Variants in UBTD1 observed in about 807,000 individuals in gnomAD.
UBTD1 encodes the protein ubiquitin domain containing 1, also known as ubiquitin domain-containing protein 1.
In UBTD1, 19 loss-of-function variants were observed where a neutral mutation model predicts 21.7. The ratio of observed to expected loss-of-function variants is 0.87; its 90% CI spans 0.61 to 1.28. The LOEUF (loss-of-function observed/expected upper bound fraction) is 1.28, where lower values mean the gene tolerates loss of function less well. UBTD1 is among the 50% of genes most tolerant of loss of function. The probability of loss-of-function intolerance (pLI) is 0.00; values close to 1 mark genes in which losing one functional copy is unlikely to be tolerated. For synonymous variants in UBTD1, 116 were observed against 135.1 expected (o/e 0.86, Z 0.98); for missense variants, 282 against 315.1 (o/e 0.89, Z 0.80).
intron 1 of UBTD1, among the ~76,000 whole-genome samples, chr10:97,513,710 C>G (rs187157685): frequency 6.6e-6 from 1 of 152,118 alleles, no homozygotes; most frequent in Non-Finnish European, 1.5e-5. Flanking sequence ...TGGTATTTAT[C>G]TGCCTGTTTC....
intron 1 of UBTD1, among the ~76,000 whole-genome samples, chr10:97,500,645 C>G (rs192681538): frequency 1.6e-3 from 238 of 152,310 alleles, no homozygotes; most frequent in Non-Finnish European, 3.0e-3. Flanking sequence ...ACATTCCCCC[C>G]CTTCCTTTCT....
intron 1 of UBTD1, among the ~76,000 whole-genome samples, chr10:97,545,431 G>GGT (rs10609684): frequency 2.7e-5 from 4 of 148,744 alleles, no homozygotes; most frequent in African/African-American, 9.9e-5. Context: ...TGTGTGTGTG[G>GGT]GTGTGTGTGT....
chr10:97,567,211 G>A (rs60730732), intron 1 of UBTD1, among the ~76,000 whole-genome samples: 1 of 151,618 alleles, frequency 6.6e-6, no homozygotes, highest in African/African-American at 2.4e-5. Flanking sequence ...GCTGGAACTA[G>A]AGGAGCGTGC....
At chr10:97,552,996 A>T (rs1212570005) in intron 1 of UBTD1, among the ~76,000 whole-genome samples, 1 of 152,256 alleles carries the variant, frequency 6.6e-6, no homozygotes, top group Non-Finnish European at 1.5e-5. Flanking sequence ...ATTAGAACCA[A>T]ATAGGTGAGC....
intron 1 of UBTD1, among the ~76,000 whole-genome samples, chr10:97,558,039 C>T (rs1310341039): frequency 6.6e-6 from 1 of 152,090 alleles, no homozygotes; most frequent in East Asian, 1.9e-4. Flanking sequence ...TTCGGCCGTG[C>T]GTGGACCAGT....
chr10:97,519,555 T>A (rs1458186004), intron 1 of UBTD1, among the ~76,000 whole-genome samples: 1 of 152,178 alleles, frequency 6.6e-6, no homozygotes, highest in African/African-American at 2.4e-5. Context: ...GTGGTGATTG[T>A]CAACTGGGGA....
chr10:97,534,219 A>G (rs964627837), intron 1 of UBTD1, among the ~76,000 whole-genome samples: 1 of 151,408 alleles, frequency 6.6e-6, no homozygotes, highest in African/African-American at 2.4e-5. Context: ...AGCTCTCACC[A>G]CCTCCCATGT....
At chr10:97,540,310 A>G (rs988998656) in intron 1 of UBTD1, among the ~76,000 whole-genome samples, 6 of 152,358 alleles carry the variant, frequency 3.9e-5, no homozygotes, top group Admixed American at 2.6e-4. Flanking sequence ...GATTCATCTT[A>G]GAACTGCTTC....
chr10:97,513,232 A>G (rs1490285453), intron 1 of UBTD1, among the ~76,000 whole-genome samples: 2 of 152,220 alleles, frequency 1.3e-5, no homozygotes, highest in Non-Finnish European at 2.9e-5. Context: ...GTGTGTGCAC[A>G]TATTATACAT....
At chr10:97,504,626 C>T (rs2040391053) in intron 1 of UBTD1, among the ~76,000 whole-genome samples, 1 of 152,154 alleles carries the variant, frequency 6.6e-6, no homozygotes, top group Non-Finnish European at 1.5e-5. Flanking sequence ...TGGTTGTCTC[C>T]CCTTGCTCCA....
chr10:97,500,758 T>C (rs992855921), intron 1 of UBTD1, among the ~76,000 whole-genome samples: 4 of 152,168 alleles, frequency 2.6e-5, no homozygotes, highest in Non-Finnish European at 5.9e-5. Flanking sequence ...CTGTTTTTTC[T>C]CTCATTACAC....
chr10:97,530,701 T>C (rs902633702), intron 1 of UBTD1, among the ~76,000 whole-genome samples: 2 of 152,100 alleles, frequency 1.3e-5, no homozygotes, highest in African/African-American at 4.8e-5. Context: ...ATCGTGGACA[T>C]CATAATGGTA....
rs145997882 is a variant in UBTD1, at chr10:97,532,081, G to A, written c.70+32808G>A. Among the ~76,000 whole-genome samples the A allele has an allele frequency of 4.7e-3, 722 of 152,298 alleles. 2 individuals are homozygous for A. Among genetic ancestry groups the A allele is most frequent in the Middle Eastern group, 0.017 (5 of 294 alleles). Reference sequence around the variant, plus strand: ...GAGGTGGGCAGGGACAGCCAGGTGGGACACTGAGGGTTAGAAAGGTGAGAG... The same window carrying A: ...GAGGTGGGCAGGGACAGCCAGGTGGAACACTGAGGGTTAGAAAGGTGAGAG... On this transcript the variant is annotated intron_variant, in intron 1 of 2. Coordinates refer to ENST00000370664, the MANE Select transcript of UBTD1 (RefSeq NM_024954.5).
chr10:97,537,528 C>T (rs1427168333), intron 1 of UBTD1, among the ~76,000 whole-genome samples: 1 of 152,164 alleles, frequency 6.6e-6, no homozygotes, highest in Non-Finnish European at 1.5e-5. Context: ...AACTGAGGCG[C>T]AAAGCTTGTA....
intron 1 of UBTD1, among the ~76,000 whole-genome samples, chr10:97,506,322 G>A (rs2040399496): frequency 6.6e-6 from 1 of 152,212 alleles, no homozygotes; most frequent in South Asian, 2.1e-4. Flanking sequence ...AGTAGTGTGA[G>A]GCCACGGGGC....
intron 1 of UBTD1, among the ~76,000 whole-genome samples, chr10:97,564,709 G>C (rs151224493): frequency 0.017 from 2,518 of 152,196 alleles, 82 homozygotes; most frequent in African/African-American, 0.057. Flanking sequence ...GATTACAGGT[G>C]CCTGCTGCCA....
At chr10:97,515,927 C>T (rs2040442323) in intron 1 of UBTD1, among the ~76,000 whole-genome samples, 2 of 152,330 alleles carry the variant, frequency 1.3e-5, no homozygotes, top group Admixed American at 1.3e-4. Context: ...GGAACTTTGA[C>T]AGCCACAAAG....
At chr10:97,541,199 A>G (rs1317676215) in intron 1 of UBTD1, among the ~76,000 whole-genome samples, 6 of 152,268 alleles carry the variant, frequency 3.9e-5, no homozygotes, top group East Asian at 3.9e-4. Context: ...ATATCTTACC[A>G]GGCACGGTGG....
chr10:97,541,247 C>T (rs961418897), intron 1 of UBTD1, among the ~76,000 whole-genome samples: 5 of 152,146 alleles, frequency 3.3e-5, no homozygotes, highest in Admixed American at 6.5e-5. Context: ...GAGGCTGAGG[C>T]AGGAGGATTG....
Sources: allele counts gnomAD v4.1 joint callset (sites outside exome capture counted in the v4.1 genomes callset), GRCh38; gene constraint gnomAD v4.1.1; transcripts MANE v1.5; gene names NCBI Gene and HGNC (gene_info 2026-07-23, HGNC 2026-07-21).